The following CDKL5 variants were observed in gnomAD, a reference collection of about 807,000 sequenced individuals.
CDKL5 encodes the protein cyclin dependent kinase like 5, also known as cyclin-dependent kinase-like 5.
In CDKL5, 8 loss-of-function variants were observed where a neutral mutation model predicts 61.7. That is an observed-to-expected ratio of 0.13 (90% CI 0.08 to 0.23). CDKL5 has a LOEUF of 0.23. CDKL5 is among the 10% of genes least tolerant of loss of function. The probability of loss-of-function intolerance (pLI) is 1.00; values close to 1 mark genes in which losing one functional copy is unlikely to be tolerated. For missense variants in CDKL5, 440 were observed against 734.5 expected (o/e 0.60, Z 4.63); for synonymous variants, 275 against 272.3 (o/e 1.01, Z -0.10).
chrX:18,426,327 C>T (rs1931367688), intron 1 of CDKL5: 1 of 113,080 alleles, frequency 8.8e-6, no homozygotes, highest in South Asian at 3.6e-4. Flanking sequence ...ATGGCCCCTT[C>T]TCAGACCTTC....
At chrX:18,622,457 A>G (rs751647541) in intron 16 of CDKL5, among the ~76,000 whole-genome samples, 26 of 112,169 alleles carry the variant, frequency 2.3e-4, no homozygotes, top group Non-Finnish European at 3.9e-4. Context: ...TACGCCTGAC[A>G]TTGGGTTAAC....
downstream of CDKL5, chrX:18,642,017 C>T (rs1927596828): frequency 8.3e-7 from 1 of 1,209,934 alleles, no homozygotes; most frequent in African/African-American, 1.7e-5. Flanking sequence ...GGCACACTTG[C>T]TGACGCACTC....
intron 1 of CDKL5, among the ~76,000 whole-genome samples, chrX:18,444,703 T>G (rs371378996): frequency 1.8e-5 from 2 of 112,776 alleles, no homozygotes; most frequent in African/African-American, 6.4e-5. Flanking sequence ...CTTTTAAATT[T>G]TCATAAGAGC....
chrX:18,460,607 C>T lies in CDKL5; in HGVS notation c.-163+34912C>T, dbSNP rs1170045689. On this transcript the variant is annotated intron_variant, in intron 1 of 17. Coordinates refer to ENST00000623535, the MANE Select transcript of CDKL5 (RefSeq NM_001323289.2). Reference sequence around the variant, plus strand: ...TCTATCTATCCAGGTTCAGGTGATCCTCCCACCTCAGCCTCCAGAGTAGCT... The same window carrying T: ...TCTATCTATCCAGGTTCAGGTGATCTTCCCACCTCAGCCTCCAGAGTAGCT... Among the ~76,000 whole-genome samples the T allele has an allele frequency of 4.5e-5, 5 of 111,282 alleles. No individual in the cohort carries two copies. In the Admixed American group the frequency reaches 4.8e-4, roughly 11 times the overall value.
chrX:18,525,340 C>T (rs1021895005), intron 3 of CDKL5, among the ~76,000 whole-genome samples: 6 of 111,648 alleles, frequency 5.4e-5, no homozygotes, highest in Non-Finnish European at 1.1e-4. Flanking sequence ...CCCAGGTGAT[C>T]TACCCACTTC....
intron 2 of CDKL5, among the ~76,000 whole-genome samples, chrX:18,509,971 G>A (rs1922763921): frequency 9.7e-6 from 1 of 103,618 alleles, no homozygotes; most frequent in Non-Finnish European, 2.0e-5. Flanking sequence ...GGGCAACATA[G>A]TGAGACCATG....
chrX:18,498,129 A>G (rs970715995), intron 1 of CDKL5, among the ~76,000 whole-genome samples: 1 of 110,803 alleles, frequency 9.0e-6, no homozygotes, highest in Non-Finnish European at 1.9e-5. Flanking sequence ...GGGCTGCCAT[A>G]TGTCTTTTCT....
chrX:18,445,937 T>G (rs183297469), intron 1 of CDKL5, among the ~76,000 whole-genome samples: 1 of 111,079 alleles, frequency 9.0e-6, no homozygotes, highest in Non-Finnish European at 1.9e-5. Context: ...GCCCTTGATT[T>G]AGAGGGCAGG....
rs188598522 is a variant in CDKL5 at position 18,489,625 on chromosome X, T to C, written c.-162-17310T>C. On this transcript the variant is annotated intron_variant, in intron 1 of 17. Coordinates refer to ENST00000623535, the MANE Select transcript of CDKL5 (RefSeq NM_001323289.2). ...ACTCAACCAATTGCCAATCAGGAAA[T>C]CTCTGAATCCACTTATGACCTGGAA... 3.6e-5 allele frequency among the ~76,000 whole-genome samples: 4 copies of C among 111,112 alleles called. No homozygotes were observed. In the East Asian group the frequency reaches 8.5e-4, roughly 24 times the overall value.
intron 5 of CDKL5, among the ~76,000 whole-genome samples, chrX:18,579,560 C>T (rs1420047657): frequency 9.0e-6 from 1 of 110,752 alleles, no homozygotes; most frequent in Non-Finnish European, 1.9e-5. Context: ...TATTGCTTTT[C>T]TCTTCTAATT....
downstream of CDKL5, chrX:18,640,494 C>T (rs987493516): frequency 2.4e-5 from 2 of 84,418 alleles, no homozygotes; most frequent in African/African-American, 4.8e-5. Flanking sequence ...GAAGATTGGG[C>T]GGGGAAAAGC....
chrX:18,649,626 T>G (rs1457981618), intron 20 of CDKL5, among the ~76,000 whole-genome samples: 1 of 111,723 alleles, frequency 9.0e-6, no homozygotes, highest in Non-Finnish European at 1.9e-5. Context: ...ATTTGTAGTT[T>G]ATTGAGTACT....
At chrX:18,569,697 C>T (rs1489051803) in intron 4 of CDKL5, among the ~76,000 whole-genome samples, 1 of 111,610 alleles carries the variant, frequency 9.0e-6, no homozygotes, top group Non-Finnish European at 1.9e-5. Context: ...TTAGGAAAAC[C>T]TATTGTCTAG....
chrX:18,436,047 TATAA>T (rs1371296241), intron 1 of CDKL5, among the ~76,000 whole-genome samples: 2 of 112,060 alleles, frequency 1.8e-5, no homozygotes, highest in African/African-American at 6.5e-5. Flanking sequence ...TTATTGGTAA[TATAA>T]ATAGTCAATT....
intron 15 of CDKL5, among the ~76,000 whole-genome samples, chrX:18,619,517 G>A (rs1371016710): frequency 2.7e-5 from 3 of 111,297 alleles, no homozygotes; most frequent in African/African-American, 9.8e-5. Context: ...AAAATGTTTT[G>A]CTCTTTCCCT....
intron 21 of CDKL5, chrX:18,650,650 G>C: frequency 1.7e-6 from 2 of 1,148,013 alleles, no homozygotes. Flanking sequence ...GGAATTGCCC[G>C]AGGAGCTGTA....
At chrX:18,619,145 G>A (rs970227835) in intron 15 of CDKL5, among the ~76,000 whole-genome samples, 10 of 100,035 alleles carry the variant, frequency 1.0e-4, no homozygotes, top group South Asian at 4.8e-4. Context: ...TTTTCCCCCC[G>A]CCCCGTGAAA....
intron 1 of CDKL5, among the ~76,000 whole-genome samples, chrX:18,442,995 C>T (rs191871809): frequency 1.4e-3 from 151 of 111,820 alleles, no homozygotes; most frequent in Non-Finnish European, 2.5e-3. Flanking sequence ...CCTTAACCGT[C>T]AGCCCCTCTT....
chrX:18,647,375 C>G (rs1602312916), intron 20 of CDKL5: 4 of 1,185,633 alleles, frequency 3.4e-6, no homozygotes, highest in Non-Finnish European at 3.4e-6. Context: ...TATCTCAATA[C>G]TCAACAAGCA....
Sources: allele counts gnomAD v4.1 joint callset (sites outside exome capture counted in the v4.1 genomes callset), GRCh38; gene constraint gnomAD v4.1.1; transcripts MANE v1.5; gene names NCBI Gene and HGNC (gene_info 2026-07-23, HGNC 2026-07-21).